CIITA: variants seen among roughly 807,000 people sequenced by gnomAD.
CIITA encodes MHC class II transactivator.
A neutral mutation model predicts 115.1 loss-of-function variants in CIITA; 72 were observed. The observed-to-expected ratio is 0.63, with a 90% CI of 0.52 to 0.76. The LOEUF (loss-of-function observed/expected upper bound fraction) is 0.76. CIITA is among the 30% of genes least tolerant of loss of function. CIITA has a pLI of 0.00. For missense variants in CIITA, 1,617 were observed against 1,463.8 expected (o/e 1.10, Z -1.71); for synonymous variants, 763 against 635.6 (o/e 1.20, Z -3.02).
intron 13 of CIITA, among the ~76,000 whole-genome samples, chr16:10,912,477 G>A (rs1000279852): frequency 6.6e-6 from 1 of 152,172 alleles, no homozygotes; most frequent in African/African-American, 2.4e-5. Flanking sequence ...AAGACAGACA[G>A]TCATCATCTT....
In CIITA at chr16:10,903,915, G is replaced by A. The variant is rs367634505; in HGVS notation, c.937+20G>A. 2.1e-4 allele frequency: 332 copies of A among 1,614,196 alleles called. 1 individual carries two copies. In the African/African-American group the frequency reaches 4.1e-3, roughly 20 times the overall value. On this transcript the variant is annotated intron_variant, in intron 9 of 19. Coordinates refer to ENST00000324288, the MANE Select transcript of CIITA (RefSeq NM_000246.4). ...TGACAGGTAAGGACCCTTAGGGCCT[G>A]TGAGAGGTACTAGAAGCAGGATCGA...
At chr16:10,921,057 G>A (rs897394718) in intron 16 of CIITA, among the ~76,000 whole-genome samples, 6 of 152,202 alleles carry the variant, frequency 3.9e-5, no homozygotes, top group Admixed American at 6.5e-5. Flanking sequence ...TAGTAGAGAC[G>A]GGGTTTCTCC....
chr16:10,877,810 G>A (rs1457473603), intron 1 of CIITA, among the ~76,000 whole-genome samples: 1 of 152,196 alleles, frequency 6.6e-6, no homozygotes, highest in Non-Finnish European at 1.5e-5. Flanking sequence ...CAGCCTTGAG[G>A]TGTAGCTGTT....
In CIITA at chr16:10,942,512, C is replaced by G. The variant is rs2041115668; in HGVS notation, n.1638C>G. Reference sequence around the variant, plus strand: ...GGGCCCCGAGCTCATTGGCAGGCCGCCCCCTGCACGCGCTAATTGGCCGGC... The same window carrying G: ...GGGCCCCGAGCTCATTGGCAGGCCGGCCCCTGCACGCGCTAATTGGCCGGC... On this transcript the variant is annotated non_coding_transcript_exon_variant, in exon 2 of 2. Coordinates refer to the CIITA transcript ENST00000573379. This position sits in a 1 kb window ranked among gnomAD's most constrained non-coding sequence, Gnocchi z 5.0. The G allele has an allele frequency of 6.6e-6, 1 of 152,422 alleles. No individual in the cohort carries two copies. The allele number at this position is 152,422 out of a possible 1,614,324, so 9.4% of individuals were successfully genotyped here.
intron 7 of CIITA, 138 bp downstream of exon 7, chr16:10,902,322 C>A: frequency 1.6e-6 from 2 of 1,290,012 alleles, no homozygotes; most frequent in South Asian, 1.3e-5. Context: ...TCTGCCCCAG[C>A]CAGTTTTATC....
At position 10,915,624 on chromosome 16, in the gene CIITA, G is replaced by T; in HGVS notation, c.2943G>T (p.Thr981=). The T allele has an allele frequency of 6.2e-7, 1 of 1,613,946 alleles. No individual in the cohort carries two copies. The highest frequency in any genetic ancestry group is 2.2e-5 in the East Asian group (1 of 44,890). ...TCCCCAAACTGGTGCGGATCCTCAC[G>T]GCCTTTTCCTCCCTGCAGCATCTGG... The part of the protein sequence containing the change: ...QAFPKLVRIL[T]AFSSLQHLDL... Residue 981 remains threonine, a synonymous_variant, in exon 14 of 20, where the codon ACG becomes ACT. Coordinates refer to ENST00000324288, the MANE Select transcript of CIITA (RefSeq NM_000246.4).
At position 10,941,970 on chromosome 16, in the gene CIITA, T is replaced by A; in HGVS notation, n.1096T>A. On this transcript the variant is annotated non_coding_transcript_exon_variant, in exon 2 of 2. Transcript: ENST00000573379. The surrounding 1 kb of genome is among the most constrained non-coding windows in gnomAD (Gnocchi z 6.4). ...GCACGTAGGGGACCAGGGGGCCCAG[T>A]GCGTCCAGGTGGGCCGCGACCCGGG... The A allele has an allele frequency of 6.5e-7, 1 of 1,529,332 alleles. No homozygotes were observed. The highest frequency in any genetic ancestry group is 8.8e-7 in the Non-Finnish European group (1 of 1,138,978). The allele number at this position is 1,529,332 out of a possible 1,614,324, so 94.7% of individuals were successfully genotyped here. A position where few individuals can be genotyped will look rare whatever the true frequency, so the allele number is the denominator to read the frequency against.
chr16:10,921,971 T>C (rs1208658928), intron 16 of CIITA, among the ~76,000 whole-genome samples, 196 bp from the exon 17 acceptor site: 1 of 152,210 alleles, frequency 6.6e-6, no homozygotes, highest in Non-Finnish European at 1.5e-5. Context: ...TATTTTCATA[T>C]CTAGAAAATG....
intron 8 of CIITA, among the ~76,000 whole-genome samples, chr16:10,903,140 T>C (rs2038903271): frequency 6.6e-6 from 1 of 152,214 alleles, no homozygotes; most frequent in Admixed American, 6.5e-5. Flanking sequence ...TGACAAGTGA[T>C]GTTTACAAGA....
At chr16:10,873,656 G>A (rs1032307750), upstream of CIITA, among the ~76,000 whole-genome samples, 2 of 152,098 alleles carry the variant, frequency 1.3e-5, no homozygotes, top group Non-Finnish European at 2.9e-5. Flanking sequence ...AGCAAGGACC[G>A]GCAATTTTTC....
intron 5 of CIITA, among the ~76,000 whole-genome samples, chr16:10,900,767 A>T (rs1229856684): frequency 6.6e-6 from 1 of 152,080 alleles, no homozygotes; most frequent in Non-Finnish European, 1.5e-5. Context: ...TTTTCAAGAT[A>T]CAATAAAAGT....
chr16:10,921,440 C>T (rs1430097536), intron 16 of CIITA, among the ~76,000 whole-genome samples: 1 of 152,190 alleles, frequency 6.6e-6, no homozygotes, highest in Non-Finnish European at 1.5e-5. Flanking sequence ...CTCATGCGAC[C>T]CTCACCAATG....
chr16:10,909,214 G>C, intron 12 of CIITA, 27 bp downstream of exon 12: 1 of 1,612,226 alleles, frequency 6.2e-7, no homozygotes. Flanking sequence ...ATGGGAGGTG[G>C]TTCACGCCAT....
intron 7 of CIITA, 99 bp from the exon 8 acceptor site, chr16:10,902,559 G>T: frequency 6.8e-7 from 1 of 1,467,666 alleles, no homozygotes; most frequent in Non-Finnish European, 9.5e-7. Context: ...GGAAATTAGG[G>T]CCCTTTAGGG....
At chr16:10,905,667 C>G (rs1325140008) in intron 10 of CIITA, among the ~76,000 whole-genome samples, 2 of 151,700 alleles carry the variant, frequency 1.3e-5, no homozygotes, top group African/African-American at 4.9e-5. Flanking sequence ...CAGGCCGAGG[C>G]AGGAGAATCG....
chr16:10,878,754 T>C lies in CIITA; in HGVS notation c.52+1372T>C, dbSNP rs530325233. ...CCGGGGCCTGGGACTCTCCCCGAAG[T>C]GGGGCTGGCCACTGTGAGGAACCGA... On this transcript the variant is annotated intron_variant, in intron 1 of 19. Coordinates refer to ENST00000324288, the MANE Select transcript of CIITA (RefSeq NM_000246.4). 3.2e-4 allele frequency among the ~76,000 whole-genome samples: 49 copies of C among 152,260 alleles called. 3 individuals carry two copies. The highest frequency in any genetic ancestry group is 1.1e-3 in the African/African-American group (47 of 41,560).
intron 15 of CIITA, among the ~76,000 whole-genome samples, chr16:10,918,042 A>G (rs1339433404): frequency 1.3e-5 from 2 of 152,216 alleles, no homozygotes; most frequent in East Asian, 3.8e-4. Flanking sequence ...TGTGCCTGGC[A>G]GTGCTCTAGG....
chr16:10,889,340 G>A (rs1352647615), intron 1 of CIITA, among the ~76,000 whole-genome samples: 1 of 152,132 alleles, frequency 6.6e-6, no homozygotes, highest in Non-Finnish European at 1.5e-5. Context: ...AGATCTTGGT[G>A]TGACTGGGAG....
In CIITA at chr16:10,902,167, A is replaced by T. The variant is rs1257550365; in HGVS notation, c.611A>T (p.Lys204Ile). 1 of 1,614,108 alleles carries T rather than the reference A, an allele frequency of 6.2e-7. No homozygotes were observed. The highest frequency in any genetic ancestry group is 1.7e-5 in the Admixed American group (1 of 60,022). ...EPASGQMRLE[K>I]TDQIPMPFSS... ...GCCTCCGGCCAGATGCGCCTGGAGA[A>T]AACCGACCAGATTCCCAGTATGTTA... is the stretch of plus-strand genomic sequence containing the variant. Residue 204 changes from lysine to isoleucine, a missense_variant, in exon 7 of 20, where the codon AAA (lysine) becomes ATA (isoleucine). Physicochemically the swap from Lys to Ile is moderately radical, Grantham distance 102 (BLOSUM62 -3). Transcript: ENST00000324288.
Sources: gnomAD v4.1 joint callset for allele counts (sites outside exome capture counted in the v4.1 genomes callset) on GRCh38, gnomAD v4.1.1 for gene constraint, Gnocchi (gnomAD v3.1) non-coding constraint, MANE v1.5 for transcripts, NCBI Gene and HGNC (gene_info 2026-07-23, HGNC 2026-07-21) for gene names.